DLC1: variants seen among roughly 807,000 people sequenced by gnomAD.
The protein encoded by DLC1 is DLC1 Rho GTPase activating protein, also known as rho GTPase-activating protein 7.
In DLC1, 54 loss-of-function variants were observed where a neutral mutation model predicts 140.3. That is an observed-to-expected ratio of 0.38 (90% CI 0.31 to 0.48). The LOEUF (loss-of-function observed/expected upper bound fraction) is 0.48, where lower values mean the gene tolerates loss of function less well. Ranked by LOEUF, DLC1 falls within the 20% of genes least tolerant of loss-of-function variation. The pLI, the probability that DLC1 is intolerant of heterozygous loss-of-function variation, is 0.96. For missense variants in DLC1, 2,536 were observed against 1,907.0 expected, an observed-to-expected ratio of 1.33 and a Z score of -6.14; for synonymous variants, 986 against 728.1, an observed-to-expected ratio of 1.35 and a Z score of -5.70.
chr8:13,567,108 C>T (rs1173555860), intron 1 of DLC1: 1 of 1,551,654 alleles, frequency 6.4e-7, no homozygotes, highest in Non-Finnish European at 8.7e-7. Flanking sequence ...GCTCATTCAG[C>T]TCCTCTGGAG....
At chr8:13,240,241 A>G (rs77267667) in intron 5 of DLC1, among the ~76,000 whole-genome samples, 16 of 152,294 alleles carry the variant, frequency 1.1e-4, no homozygotes, top group African/African-American at 2.4e-4. Flanking sequence ...TAAACCACAG[A>G]AAAAGCTGTA....
chr8:13,377,614 T>C (rs371492581), intron 4 of DLC1, among the ~76,000 whole-genome samples: 1 of 152,154 alleles, frequency 6.6e-6, no homozygotes, highest in African/African-American at 2.4e-5. Flanking sequence ...ATCTATACTT[T>C]CCTGTGCATT....
chr8:13,478,884 C>T (rs1251175962), intron 2 of DLC1, among the ~76,000 whole-genome samples: 1 of 152,252 alleles, frequency 6.6e-6, no homozygotes, highest in Non-Finnish European at 1.5e-5. Context: ...TAAGCAGATG[C>T]TCCCACAAAA....
intron 4 of DLC1, among the ~76,000 whole-genome samples, chr8:13,390,219 C>T (rs946651876): frequency 5.3e-5 from 8 of 152,106 alleles, no homozygotes; most frequent in African/African-American, 1.9e-4. Context: ...AAATAACATG[C>T]CCACACACAA....
At chr8:13,454,792 G>A (rs528579974) in intron 2 of DLC1, among the ~76,000 whole-genome samples, 69 of 152,304 alleles carry the variant, frequency 4.5e-4, no homozygotes, top group African/African-American at 1.6e-3. Flanking sequence ...GTCCTCAAGT[G>A]ATCCTCCTGC....
At chr8:13,195,312 G>C (rs1306907004) in intron 5 of DLC1, among the ~76,000 whole-genome samples, 1 of 152,180 alleles carries the variant, frequency 6.6e-6, no homozygotes, top group African/African-American at 2.4e-5. Flanking sequence ...GGAGATGGCA[G>C]TCCTTCTGTT....
intron 2 of DLC1, among the ~76,000 whole-genome samples, chr8:13,465,899 T>A (rs1302796948): frequency 6.6e-6 from 1 of 152,172 alleles, no homozygotes; most frequent in Non-Finnish European, 1.5e-5. Flanking sequence ...ATCAGGACTT[T>A]GTCACCCTTG....
intron 2 of DLC1, among the ~76,000 whole-genome samples, chr8:13,403,193 T>C (rs1434847603): frequency 6.6e-6 from 1 of 152,230 alleles, no homozygotes; most frequent in Non-Finnish European, 1.5e-5. Context: ...TTGTCCCTGC[T>C]GTTTGAAACA....
At chr8:13,557,247 C>G (rs550663641) in intron 1 of DLC1, among the ~76,000 whole-genome samples, 5 of 152,178 alleles carry the variant, frequency 3.3e-5, no homozygotes, top group Admixed American at 6.5e-5. Context: ...AAAAAGCCAA[C>G]CCACACTAGT....
chr8:13,374,050 G>A (rs191117748), intron 4 of DLC1, among the ~76,000 whole-genome samples: 201 of 152,238 alleles, frequency 1.3e-3, no homozygotes, highest in African/African-American at 4.8e-3. Context: ...AAATTATAGG[G>A]ACTCATAATG....
At chr8:13,553,250 A>ATATC (rs1803928249) in intron 1 of DLC1, among the ~76,000 whole-genome samples, 1 of 129,944 alleles carries the variant, frequency 7.7e-6, no homozygotes, top group Non-Finnish European at 1.6e-5. Flanking sequence ...ATATATATAT[A>ATATC]TGTATCACCT....
At chr8:13,286,420 T>C (rs1831537714) in intron 5 of DLC1, among the ~76,000 whole-genome samples, 1 of 152,030 alleles carries the variant, frequency 6.6e-6, no homozygotes, top group East Asian at 1.9e-4. Flanking sequence ...AATGATAAAA[T>C]GTATTTTAAT....
At chr8:13,174,493 G>T (rs776262374) in intron 5 of DLC1, among the ~76,000 whole-genome samples, 1 of 152,142 alleles carries the variant, frequency 6.6e-6, no homozygotes, top group African/African-American at 2.4e-5. Context: ...CATTGTCTAA[G>T]GGTTTCCTTT....
At chr8:13,254,289 G>T (rs1296541860) in intron 5 of DLC1, among the ~76,000 whole-genome samples, 3 of 149,408 alleles carry the variant, frequency 2.0e-5, no homozygotes, top group Non-Finnish European at 4.4e-5. Flanking sequence ...AGCTTTAAGA[G>T]ATGTAGGGAC....
intron 2 of DLC1, among the ~76,000 whole-genome samples, chr8:13,437,189 C>G (rs758126154): frequency 6.6e-6 from 1 of 152,126 alleles, no homozygotes; most frequent in Non-Finnish European, 1.5e-5. Context: ...AGTGAAGGCT[C>G]TAGAAAACAG....
intron 1 of DLC1, among the ~76,000 whole-genome samples, chr8:13,592,670 G>T (rs539140563): frequency 6.6e-6 from 1 of 152,050 alleles, no homozygotes; most frequent in Non-Finnish European, 1.5e-5. Flanking sequence ...CCAGTAAGAG[G>T]ATTTCCAGTG....
chr8:13,537,798 C>T (rs1192721621), intron 1 of DLC1, among the ~76,000 whole-genome samples: 3 of 151,798 alleles, frequency 2.0e-5, no homozygotes, highest in South Asian at 2.1e-4. Context: ...GGACTACAGG[C>T]GCCCGCCACC....
intron 2 of DLC1, among the ~76,000 whole-genome samples, chr8:13,466,500 A>G (rs1799946327): frequency 6.6e-6 from 1 of 152,182 alleles, no homozygotes; most frequent in African/African-American, 2.4e-5. Flanking sequence ...GAGCCAGAAG[A>G]ATATCTGCCA....
At chr8:13,522,529 G>C (rs1802797143) in intron 1 of DLC1, among the ~76,000 whole-genome samples, 2 of 152,092 alleles carry the variant, frequency 1.3e-5, no homozygotes. Context: ...GGTGGCTGAG[G>C]CAGGAGAATC....
Sources: allele counts gnomAD v4.1 joint callset (sites outside exome capture counted in the v4.1 genomes callset), GRCh38; gene constraint gnomAD v4.1.1; transcripts MANE v1.5; gene names NCBI Gene and HGNC (gene_info 2026-07-23, HGNC 2026-07-21).